The following THSD7B variants were observed in gnomAD, a reference collection of about 807,000 sequenced individuals.
THSD7B encodes thrombospondin type 1 domain containing 7B.
A neutral mutation model predicts 213.6 loss-of-function variants in THSD7B; 138 were observed. That is an observed-to-expected ratio of 0.65 (90% CI 0.56 to 0.74). THSD7B has a LOEUF of 0.74. Among genes scored for constraint, THSD7B ranks in the 30% least tolerant of loss-of-function variants. The pLI is 0.00. For synonymous variants in THSD7B, 742 were observed against 687.0 expected (o/e 1.08, Z -1.25); for missense variants, 1,931 against 1,991.5 (o/e 0.97, Z 0.58).
intron 15 of THSD7B, among the ~76,000 whole-genome samples, chr2:137,499,930 C>G (rs1427161373): frequency 2.0e-5 from 3 of 152,014 alleles, no homozygotes; most frequent in Non-Finnish European, 2.9e-5. Flanking sequence ...TATATAAATC[C>G]TGGAGGAAAA....
At chr2:136,910,132 A>C (rs923891049) in intron 2 of THSD7B, among the ~76,000 whole-genome samples, 2 of 152,154 alleles carry the variant, frequency 1.3e-5, no homozygotes, top group Non-Finnish European at 2.9e-5. Context: ...GTGTGTCCTC[A>C]GTCTATGGAG....
At chr2:137,106,638 C>T (rs959370259) in intron 4 of THSD7B, among the ~76,000 whole-genome samples, 37 of 152,142 alleles carry the variant, frequency 2.4e-4, no homozygotes, top group Admixed American at 2.0e-4. Flanking sequence ...ATTTTTCTAT[C>T]TATCCATTTG....
intron 15 of THSD7B, among the ~76,000 whole-genome samples, chr2:137,482,921 A>G (rs1573651836): frequency 1.3e-5 from 2 of 152,292 alleles, no homozygotes; most frequent in South Asian, 2.1e-4. Flanking sequence ...TTGCTCTTCA[A>G]CCCCTGGGAC....
intron 15 of THSD7B, among the ~76,000 whole-genome samples, chr2:137,524,649 G>A (rs568428163): frequency 3.3e-5 from 5 of 152,254 alleles, no homozygotes; most frequent in Non-Finnish European, 7.4e-5. Context: ...TATCAATTAT[G>A]CAGAAAAAAG....
At chr2:136,809,598 C>T (rs999274969) in intron 1 of THSD7B, among the ~76,000 whole-genome samples, 2 of 152,182 alleles carry the variant, frequency 1.3e-5, no homozygotes, top group Non-Finnish European at 2.9e-5. Context: ...ACTGCTGGTC[C>T]ATGGATCACA....
At chr2:136,882,412 A>G (rs1438760772) in intron 2 of THSD7B, 95 bp downstream of exon 2, 3 of 1,256,890 alleles carry the variant, frequency 2.4e-6, no homozygotes, top group African/African-American at 1.6e-5. Context: ...GTAGTGGGAA[A>G]TATCCAGAGA....
At chr2:137,261,644 A>G (rs1332907967) in intron 10 of THSD7B, among the ~76,000 whole-genome samples, 3 of 152,166 alleles carry the variant, frequency 2.0e-5, no homozygotes, top group Non-Finnish European at 4.4e-5. Context: ...AGTGACAGCA[A>G]TACAAGCATT....
chr2:136,910,945 T>C (rs1684248381), intron 2 of THSD7B, among the ~76,000 whole-genome samples: 1 of 152,140 alleles, frequency 6.6e-6, no homozygotes, highest in African/African-American at 2.4e-5. Flanking sequence ...TTATATCATT[T>C]GGGGTAATAT....
At chr2:137,262,857 T>C (rs1034665979) in intron 10 of THSD7B, among the ~76,000 whole-genome samples, 2 of 151,988 alleles carry the variant, frequency 1.3e-5, no homozygotes, top group Non-Finnish European at 2.9e-5. Flanking sequence ...TTTCTGAGAG[T>C]AGGGTGGGGC....
chr2:137,056,972 C>G lies in THSD7B; in HGVS notation c.692C>G (p.Ser231Cys). The G allele has an allele frequency of 6.2e-7, 1 of 1,613,932 alleles. No homozygotes were observed. The highest frequency in any genetic ancestry group is 8.5e-7 in the Non-Finnish European group (1 of 1,179,886). ...TCAAGAGCCTGTGATGCTCCCATTT[C>G]CTGTCCTCTTGGGGAAGAGGAATAT... ...TESRACDAPI[S>C]CPLGEEEYTF... The change falls in exon 3 of 28, where the codon TCC becomes TGC. Residue 231 changes from serine (S) to cysteine (C), a missense_variant. Physicochemically the swap from Ser to Cys is moderately radical, Grantham distance 112. Transcript: ENST00000409968.
chr2:137,302,951 G>A (rs2104848542), intron 12 of THSD7B, among the ~76,000 whole-genome samples: 1 of 152,234 alleles, frequency 6.6e-6, no homozygotes, highest in Middle Eastern at 3.4e-3. Context: ...TCGGTATGTA[G>A]TTCTCAAATG....
At chr2:137,205,681 A>G (rs10928596) in intron 7 of THSD7B, among the ~76,000 whole-genome samples, 2 of 152,176 alleles carry the variant, frequency 1.3e-5, no homozygotes, top group East Asian at 3.9e-4. Flanking sequence ...TTTCTACAAA[A>G]ATCGAGGTGA....
At chr2:137,150,994 A>T (rs1017790337) in intron 5 of THSD7B, among the ~76,000 whole-genome samples, 1 of 152,196 alleles carries the variant, frequency 6.6e-6, no homozygotes, top group Non-Finnish European at 1.5e-5. Context: ...TTGGGCTCGT[A>T]GGAGTCAAAG....
At chr2:137,283,200 C>T (rs1378358654) in intron 12 of THSD7B, among the ~76,000 whole-genome samples, 2 of 152,050 alleles carry the variant, frequency 1.3e-5, no homozygotes, top group East Asian at 3.9e-4. Flanking sequence ...TGATTTGGCT[C>T]TCTGTTTGTC....
chr2:137,542,974 T>C (rs545024429), intron 15 of THSD7B, among the ~76,000 whole-genome samples: 103 of 151,916 alleles, frequency 6.8e-4, no homozygotes, highest in African/African-American at 2.4e-3. Context: ...CTTATAGTTC[T>C]AGAGGTGAAA....
chr2:137,485,642 A>G (rs1051359823), intron 15 of THSD7B, among the ~76,000 whole-genome samples: 1 of 152,192 alleles, frequency 6.6e-6, no homozygotes, highest in African/African-American at 2.4e-5. Flanking sequence ...CAGGAAATAC[A>G]GAGAATGCCA....
intron 12 of THSD7B, among the ~76,000 whole-genome samples, chr2:137,351,634 A>C (rs1391885457): frequency 6.6e-6 from 1 of 151,936 alleles, no homozygotes; most frequent in African/African-American, 2.4e-5. Context: ...GCAAATTTTC[A>C]TGTAATTATA....
chr2:136,838,145 G>A (rs1466125601), intron 1 of THSD7B, among the ~76,000 whole-genome samples: 1 of 152,182 alleles, frequency 6.6e-6, no homozygotes, highest in African/African-American at 2.4e-5. Flanking sequence ...CTAAAGAGTT[G>A]TGTAAACTAA....
intron 2 of THSD7B, among the ~76,000 whole-genome samples, chr2:137,002,722 C>T (rs1686024727): frequency 6.6e-6 from 1 of 152,094 alleles, no homozygotes; most frequent in African/African-American, 2.4e-5. Flanking sequence ...CTTGTCTTAA[C>T]CTGTATTTGA....
Sources: allele counts gnomAD v4.1 joint callset (sites outside exome capture counted in the v4.1 genomes callset), GRCh38; gene constraint gnomAD v4.1.1; transcripts MANE v1.5; gene names NCBI Gene and HGNC (gene_info 2026-07-23, HGNC 2026-07-21).